Variants in HMBOX1 observed in about 807,000 individuals in gnomAD.
The protein encoded by HMBOX1 is homeobox-containing protein 1.
HMBOX1 carries 14 observed loss-of-function variants against 54.5 expected under a neutral mutation model. The observed-to-expected ratio is 0.26, with a 90% confidence interval of 0.17 to 0.40. The LOEUF is 0.40. HMBOX1 is among the 10% of genes least tolerant of loss of function. The probability of loss-of-function intolerance (pLI) is 1.00; values close to 1 mark genes in which losing one functional copy is unlikely to be tolerated. For missense variants in HMBOX1, 332 were observed against 514.4 expected, an observed-to-expected ratio of 0.65 and a Z score of 3.43; for synonymous variants, 160 against 181.0, an observed-to-expected ratio of 0.88 and a Z score of 0.93.
chr8:28,923,255 C>G (rs1307702576), intron 1 of HMBOX1, among the ~76,000 whole-genome samples: 1 of 152,160 alleles, frequency 6.6e-6, no homozygotes, highest in African/African-American at 2.4e-5. Context: ...CTGGACATTT[C>G]ATATAAACAG....
At chr8:29,016,195 A>C (rs1287987902) in intron 5 of HMBOX1, among the ~76,000 whole-genome samples, 2 of 152,248 alleles carry the variant, frequency 1.3e-5, no homozygotes, top group Non-Finnish European at 2.9e-5. Context: ...TATAAAAAAC[A>C]AATGACAGAC....
At position 28,900,353 on chromosome 8, in the gene HMBOX1, C is replaced by T. The variant is rs576779789; in HGVS notation, c.-58+9675C>T. Among the ~76,000 whole-genome samples the T allele has an allele frequency of 1.5e-3, 229 of 149,246 alleles. 3 individuals carry two copies. The highest frequency in any genetic ancestry group is 5.2e-3 in the African/African-American group (214 of 40,780). Reference sequence around the variant, plus strand: ...CTGAGATGGGCCCAGGAATATATATCCTTCATAAGTATATCAGGTAATTCT... The same window carrying T: ...CTGAGATGGGCCCAGGAATATATATTCTTCATAAGTATATCAGGTAATTCT... On this transcript the variant is annotated intron_variant, in intron 1 of 9. Coordinates refer to ENST00000287701, the MANE Select transcript of HMBOX1 (RefSeq NM_001135726.3).
intron 6 of HMBOX1, among the ~76,000 whole-genome samples, chr8:29,019,515 A>G (rs1403075214): frequency 6.6e-6 from 1 of 152,162 alleles, no homozygotes; most frequent in East Asian, 1.9e-4. Context: ...CATAGATCCT[A>G]TAGTAGAATT....
intron 1 of HMBOX1, among the ~76,000 whole-genome samples, chr8:28,914,913 T>G (rs1311758660): frequency 6.6e-6 from 1 of 152,222 alleles, no homozygotes; most frequent in Non-Finnish European, 1.5e-5. Context: ...CAGAACATAT[T>G]TTTATTTCTT....
intron 1 of HMBOX1, among the ~76,000 whole-genome samples, chr8:28,892,747 A>T (rs1811275897): frequency 6.6e-6 from 1 of 152,194 alleles, no homozygotes; most frequent in Admixed American, 6.5e-5. Context: ...AGAAAAAAAA[A>T]TGTGATTTCT....
intron 1 of HMBOX1, among the ~76,000 whole-genome samples, chr8:28,923,040 T>C (rs1817811756): frequency 6.6e-6 from 1 of 152,222 alleles, no homozygotes; most frequent in African/African-American, 2.4e-5. Flanking sequence ...TTGACTATTT[T>C]AACTATTTTA....
intron 5 of HMBOX1, among the ~76,000 whole-genome samples, chr8:29,014,912 T>G (rs1255436740): frequency 1.3e-5 from 2 of 152,210 alleles, no homozygotes; most frequent in East Asian, 3.8e-4. Flanking sequence ...ACTCCTGACC[T>G]CAGGTGTTCC....
chr8:28,949,635 C>A (rs1563449265), intron 1 of HMBOX1: 1 of 152,146 alleles, frequency 6.6e-6, no homozygotes, highest in Non-Finnish European at 1.5e-5. Flanking sequence ...TGGGCATTTT[C>A]TTTCATTTCT....
chr8:28,904,398 G>A (rs924229190), intron 1 of HMBOX1, among the ~76,000 whole-genome samples: 2 of 151,530 alleles, frequency 1.3e-5, no homozygotes, highest in Admixed American at 6.6e-5. Flanking sequence ...ATGCCCAGCC[G>A]ATTTTTGTAT....
chr8:28,960,765 C>CTTTT (rs1162477676), intron 1 of HMBOX1, among the ~76,000 whole-genome samples: 17 of 16,236 alleles, frequency 1.0e-3, no homozygotes, highest in Non-Finnish European at 1.7e-3. Flanking sequence ...TTTTCTTTTT[C>CTTTT]TTTTTTTTTT....
At chr8:29,005,914 T>C (rs189481094) in intron 4 of HMBOX1, among the ~76,000 whole-genome samples, 100 of 152,272 alleles carry the variant, frequency 6.6e-4, no homozygotes, top group Admixed American at 6.5e-5. Context: ...TGGTTTCATA[T>C]AGTGGTAGTT....
intron 6 of HMBOX1, among the ~76,000 whole-genome samples, chr8:29,019,743 G>C (rs1418985985): frequency 6.6e-6 from 1 of 152,130 alleles, no homozygotes; most frequent in Non-Finnish European, 1.5e-5. Flanking sequence ...GTAACTTCAT[G>C]TCTAAAATGA....
intron 6 of HMBOX1, among the ~76,000 whole-genome samples, chr8:29,036,273 T>C (rs1803849815): frequency 6.6e-6 from 1 of 152,222 alleles, no homozygotes; most frequent in Admixed American, 6.5e-5. Flanking sequence ...CCATAATTCT[T>C]ATTCTCATGT....
At chr8:29,047,480 T>C in intron 8 of HMBOX1, 27 bp downstream of exon 8, 1 of 1,189,192 alleles carries the variant, frequency 8.4e-7, no homozygotes. Context: ...GCTGCTTTTC[T>C]CTTGTGCAGC....
chr8:28,892,340 G>C (rs1251525807), intron 1 of HMBOX1, among the ~76,000 whole-genome samples: 1 of 152,018 alleles, frequency 6.6e-6, no homozygotes, highest in Non-Finnish European at 1.5e-5. Context: ...AAAAGGAAAG[G>C]ATTGCAACAT....
At chr8:28,900,292 T>A (rs1057063530) in intron 1 of HMBOX1, among the ~76,000 whole-genome samples, 4 of 84,618 alleles carry the variant, frequency 4.7e-5, no homozygotes, top group Admixed American at 1.2e-4. Flanking sequence ...ATATATATAT[T>A]TTGTTTCCTG....
At chr8:28,980,365 C>T (rs1829138395) in intron 4 of HMBOX1, among the ~76,000 whole-genome samples, 1 of 152,178 alleles carries the variant, frequency 6.6e-6, no homozygotes, top group African/African-American at 2.4e-5. Flanking sequence ...AATTTTATAG[C>T]ATTTTTAATA....
Position 28,942,021 on chromosome 8 carries a change from C to T in HMBOX1, c.-57-21790C>T, listed in dbSNP as rs192094399. Among the ~76,000 whole-genome samples, 60 of 152,276 alleles carry T rather than the reference C, an allele frequency of 3.9e-4. 1 individual carries two copies. Among genetic ancestry groups the T allele is most frequent in the Admixed American group, 3.9e-3 (60 of 15,306 alleles). Reference sequence around the variant, plus strand: ...GGGAAGTCCATCCGCCCTCAGGCCACCCCAGTGTGGTACCTATCAATGCCA... The same window carrying T: ...GGGAAGTCCATCCGCCCTCAGGCCATCCCAGTGTGGTACCTATCAATGCCA... On this transcript the variant is annotated intron_variant, in intron 1 of 9. Transcript: ENST00000287701.
chr8:28,893,046 TTTCTC>T (rs1254497020), intron 1 of HMBOX1, among the ~76,000 whole-genome samples: 14 of 152,224 alleles, frequency 9.2e-5, no homozygotes, highest in African/African-American at 3.1e-4. Context: ...ACACGAGTGT[TTTCTC>T]TTCCATCTAC....
Sources: gnomAD v4.1 joint callset for allele counts (sites outside exome capture counted in the v4.1 genomes callset) on GRCh38, gnomAD v4.1.1 for gene constraint, MANE v1.5 for transcripts, NCBI Gene and HGNC (gene_info 2026-07-23, HGNC 2026-07-21) for gene names.